The following CACNA1B variants were observed in gnomAD, a reference collection of about 807,000 sequenced individuals.
The protein encoded by CACNA1B is voltage-dependent N-type calcium channel subunit alpha-1B.
In CACNA1B, 70 loss-of-function variants were observed where a neutral mutation model predicts 247.2. The ratio of observed to expected loss-of-function variants is 0.28; its 90% CI spans 0.23 to 0.35. The LOEUF is 0.35. Ranked by LOEUF, CACNA1B falls within the 10% of genes least tolerant of loss-of-function variation. The pLI, the probability that CACNA1B is intolerant of heterozygous loss-of-function variation, is 1.00. For synonymous variants in CACNA1B, 1,231 were observed against 1,294.4 expected (o/e 0.95, Z 1.05); for missense variants, 2,367 against 3,197.4 (o/e 0.74, Z 6.26).
At chr9:137,895,704 T>A (rs1297063686) in intron 3 of CACNA1B, among the ~76,000 whole-genome samples, 1 of 152,232 alleles carries the variant, frequency 6.6e-6, no homozygotes, top group Non-Finnish European at 1.5e-5. Context: ...CTAAACTAAC[T>A]TAGTAGTAGT....
chr9:137,942,325 T>C (rs954010613), intron 6 of CACNA1B, among the ~76,000 whole-genome samples: 2 of 152,168 alleles, frequency 1.3e-5, no homozygotes. Flanking sequence ...TTAAAAATAA[T>C]AGATATTGGC....
chr9:137,941,248 A>T (rs1028721057), intron 6 of CACNA1B, among the ~76,000 whole-genome samples: 3 of 152,210 alleles, frequency 2.0e-5, no homozygotes, highest in African/African-American at 7.2e-5. Flanking sequence ...ATGTACACAA[A>T]TCAGTAGCTC....
At chr9:138,087,351 C>T (rs1341834514) in intron 36 of CACNA1B, among the ~76,000 whole-genome samples, 1 of 133,782 alleles carries the variant, frequency 7.5e-6, no homozygotes, top group Non-Finnish European at 1.5e-5. Flanking sequence ...CACCACTGCA[C>T]TCCAGTCTGG....
intron 39 of CACNA1B, among the ~76,000 whole-genome samples, chr9:138,111,126 A>T (rs1961614322): frequency 6.6e-6 from 1 of 152,226 alleles, no homozygotes. Flanking sequence ...GCAGCCCCTT[A>T]GACAGTTTGC....
At chr9:138,049,343 A>G (rs1188058583) in intron 24 of CACNA1B, 28 bp downstream of exon 24, 1 of 1,364,980 alleles carries the variant, frequency 7.3e-7, no homozygotes, top group Non-Finnish European at 1.0e-6. Flanking sequence ...TGCTCTGGCT[A>G]GGGAGAGCCC....
At position 138,023,514 on chromosome 9, in the gene CACNA1B, C is replaced by G. The variant is rs967808851; in HGVS notation, c.2771C>G (p.Pro924Arg). Reference protein sequence around the residue: ...GGRRHHRRGSPEEAAEREPRR... With the variant: ...GGRRHHRRGSREEAAEREPRR... ...CGGCGGCACCACCGGCGCGGCTCCCCGGAGGAGGCGGCCGAGCGGGAGCCC... is the reference window on the plus strand; with the variant it reads ...CGGCGGCACCACCGGCGCGGCTCCCGGGAGGAGGCGGCCGAGCGGGAGCCC... Residue 924 changes from proline (P) to arginine (R), a missense_variant, in exon 19 of 47, where the codon CCG (proline) becomes CGG (arginine). Around this residue, in one of 12 missense-constraint regions of CACNA1B, gnomAD observed 631 missense variants for 631.1 expected, o/e 1.00. Coordinates refer to ENST00000371372, the MANE Select transcript of CACNA1B (RefSeq NM_000718.4). 9.3e-7 allele frequency: 1 copy of G among 1,074,720 alleles called. No homozygotes were observed. Among genetic ancestry groups the G allele is most frequent in the Non-Finnish European group, 1.1e-6 (1 of 890,956 alleles). The allele number at this position is 1,074,720 out of a possible 1,614,324, so 66.6% of individuals were successfully genotyped here. A position where few individuals can be genotyped will look rare whatever the true frequency, so the allele number is the denominator to read the frequency against.
At position 137,882,803 on chromosome 9, in the gene CACNA1B, C is replaced by T. The variant is rs199868636; in HGVS notation, c.450C>T (p.Ile150=). 5 of 1,613,828 alleles carry T rather than the reference C, an allele frequency of 3.1e-6. No individual in the cohort carries two copies. Among genetic ancestry groups the T allele is most frequent in the Non-Finnish European group, 3.4e-6 (4 of 1,179,832 alleles). ...GCTTCGAGGCAGGGATCAAAATCAT[C>T]GCTCTGGGCTTTGTCTTCCACAAGG... ...IFCFEAGIKI[I]ALGFVFHKGS... Residue 150 remains isoleucine, a synonymous_variant, in exon 3 of 47, where the codon ATC becomes ATT. Coordinates refer to ENST00000371372, the MANE Select transcript of CACNA1B (RefSeq NM_000718.4). This position sits in a 1 kb window ranked among gnomAD's most constrained non-coding sequence, Gnocchi z 4.0.
At chr9:137,992,032 A>G (rs1958437291) in intron 15 of CACNA1B, among the ~76,000 whole-genome samples, 2 of 152,224 alleles carry the variant, frequency 1.3e-5, no homozygotes, top group South Asian at 4.1e-4. Flanking sequence ...TAACAATGAA[A>G]AAAACAGCAT....
Position 138,023,705 on chromosome 9 carries a change from G to A in CACNA1B, c.2962G>A (p.Ala988Thr), listed in dbSNP as rs1230897201. 6.5e-7 allele frequency: 1 copy of A among 1,541,976 alleles called. No homozygotes were observed. Among genetic ancestry groups the A allele is most frequent in the East Asian group, 2.5e-5 (1 of 39,704 alleles). ...RHRARHKAQPAHEAVEKETTE... is the reference protein window; with the variant it reads ...RHRARHKAQPTHEAVEKETTE... Reference sequence around the variant, plus strand: ...CCGGGCCCGGCACAAGGCGCAGCCTGCTCACGAGGCTGTGGAGAAGGAGAC... The same window carrying A: ...CCGGGCCCGGCACAAGGCGCAGCCTACTCACGAGGCTGTGGAGAAGGAGAC... Residue 988 changes from alanine (A) to threonine (T), a missense_variant, in exon 19 of 47, where the codon GCT becomes ACT. Transcript: ENST00000371372.
intron 3 of CACNA1B, among the ~76,000 whole-genome samples, chr9:137,896,402 C>T (rs1452588871): frequency 6.6e-6 from 1 of 151,992 alleles, no homozygotes; most frequent in Non-Finnish European, 1.5e-5. Flanking sequence ...TGTGATGTTT[C>T]TTCTTTAGGA....
chr9:138,023,848 G>C lies in CACNA1B; in HGVS notation c.3068+37G>C, dbSNP rs6559259. 222,422 of 1,066,944 alleles carry C rather than the reference G, an allele frequency of 0.21. 32,122 individuals are homozygous for C. The highest frequency in any genetic ancestry group is 0.62 in the East Asian group (23,509 of 37,716). The allele number at this position is 1,066,944 out of a possible 1,614,324, so 66.1% of individuals were successfully genotyped here. ...GCTGGGCGGGGTCAGGGAGGGAAGG[G>C]TTGGCCGGGGCGGCGCGGGCCCCAG... is the stretch of plus-strand genomic sequence containing the variant. On this transcript the variant is annotated intron_variant, in intron 19 of 46. Transcript: ENST00000371372.
intron 38 of CACNA1B, among the ~76,000 whole-genome samples, chr9:138,104,437 A>C (rs1051573414): frequency 1.3e-5 from 2 of 152,150 alleles, no homozygotes; most frequent in African/African-American, 4.8e-5. Flanking sequence ...ACCGCCATTC[A>C]TGCTGGTCTG....
intron 18 of CACNA1B, among the ~76,000 whole-genome samples, chr9:138,016,590 G>A (rs1002257747): frequency 6.6e-6 from 1 of 152,204 alleles, no homozygotes; most frequent in Non-Finnish European, 1.5e-5. Context: ...GGGACCAGGC[G>A]GCATCTCCGG....
chr9:137,892,359 A>G, intron 3 of CACNA1B: 1 of 456,576 alleles, frequency 2.2e-6, no homozygotes. Flanking sequence ...GATCCGATGG[A>G]CCCCAGACCC....
rs1958192021 is a variant in CACNA1B at position 137,974,267 on chromosome 9, C to T, written c.1544-1640C>T. Among the ~76,000 whole-genome samples, 1 of 152,210 alleles carries T rather than the reference C, an allele frequency of 6.6e-6. No individual in the cohort carries two copies. The highest frequency in any genetic ancestry group is 2.4e-5 in the African/African-American group (1 of 41,432). On this transcript the variant is annotated intron_variant, in intron 11 of 46. Transcript: ENST00000371372. This position sits in a 1 kb window ranked among gnomAD's most constrained non-coding sequence, Gnocchi z 4.5. ...TCAGTTGAGGGTGGATCCTTCCATT[C>T]CCGAGCAGCCCTGCCTGAGGGTCGC...
At chr9:138,115,705 C>T in intron 42 of CACNA1B, 26 bp downstream of exon 42, 1 of 1,601,144 alleles carries the variant, frequency 6.2e-7, no homozygotes, top group Non-Finnish European at 8.5e-7. Context: ...CAGGACATAG[C>T]TGGACAGGAG....
chr9:138,046,956 A>T lies in CACNA1B; in HGVS notation c.3466A>T (p.Ile1156Phe). The change falls in exon 22 of 47, where the codon ATT becomes TTT. Residue 1156 changes from isoleucine to phenylalanine, a missense_variant. Ile to Phe is a conservative substitution (Grantham distance 21). Around this residue, in one of 12 missense-constraint regions of CACNA1B, gnomAD observed 631 missense variants for 631.1 expected, o/e 1.00. Transcript: ENST00000371372. Reference sequence around the variant, plus strand: ...GACCATGAGGTACTTCGAGGTGGTCATTCTCGTGGTCATCGCCTTGAGCAG... The same window carrying T: ...GACCATGAGGTACTTCGAGGTGGTCTTTCTCGTGGTCATCGCCTTGAGCAG... ...IVTMRYFEVV[I>F]LVVIALSSIA... The T allele has an allele frequency of 6.2e-7, 1 of 1,613,462 alleles. No individual in the cohort carries two copies. The highest frequency in any genetic ancestry group is 8.5e-7 in the Non-Finnish European group (1 of 1,179,416).
At position 137,877,881 on chromosome 9, in the gene CACNA1B, C is replaced by G; in HGVS notation, c.-53C>G. The G allele has an allele frequency of 1.1e-6, 1 of 941,278 alleles. No individual in the cohort carries two copies. Among genetic ancestry groups the G allele is most frequent in the South Asian group, 4.7e-5 (1 of 21,064 alleles). The allele number at this position is 941,278 out of a possible 1,614,324, so 58.3% of individuals were successfully genotyped here. ...CGCTCTGAGCGCCTGGCGCGCCCCG[C>G]GCCCTCCCTGCCGGGGCCGCTGGGC... On this transcript the variant is annotated 5_prime_UTR_variant, in exon 1 of 47. Coordinates refer to ENST00000371372, the MANE Select transcript of CACNA1B (RefSeq NM_000718.4).
chr9:137,894,156 A>C (rs1015144324), intron 3 of CACNA1B, among the ~76,000 whole-genome samples: 1 of 152,168 alleles, frequency 6.6e-6, no homozygotes, highest in Non-Finnish European at 1.5e-5. Context: ...CAAAGAGTAC[A>C]ATCATTAGGC....
Sources: allele counts gnomAD v4.1 joint callset (sites outside exome capture counted in the v4.1 genomes callset), GRCh38; gene constraint gnomAD v4.1.1; regional missense constraint gnomAD v4.1.1; non-coding constraint Gnocchi (gnomAD v3.1); transcripts MANE v1.5; gene names NCBI Gene and HGNC (gene_info 2026-07-23, HGNC 2026-07-21).